The following LRRTM4 variants were observed in gnomAD, a reference collection of about 807,000 sequenced individuals.
LRRTM4 encodes leucine rich repeat transmembrane neuronal 4, also known as leucine-rich repeat transmembrane neuronal protein 4.
A neutral mutation model predicts 47.6 loss-of-function variants in LRRTM4; 25 were observed. That is an observed-to-expected ratio of 0.53 (90% CI 0.38 to 0.73). The LOEUF (loss-of-function observed/expected upper bound fraction) is 0.73. Ranked by LOEUF, LRRTM4 falls within the 30% of genes least tolerant of loss-of-function variation. LRRTM4 has a pLI of 0.00. For missense variants in LRRTM4, 638 were observed against 713.4 expected (o/e 0.89, Z 1.20); for synonymous variants, 311 against 269.5 (o/e 1.15, Z -1.51).
intron 3 of LRRTM4, among the ~76,000 whole-genome samples, chr2:76,979,920 T>G (rs1676547858): frequency 6.6e-6 from 1 of 151,984 alleles, no homozygotes. Flanking sequence ...ATAAACTCTC[T>G]GATCCAAATT....
intron 3 of LRRTM4, among the ~76,000 whole-genome samples, chr2:77,131,925 A>G (rs1176559873): frequency 6.6e-6 from 1 of 152,222 alleles, no homozygotes; most frequent in African/African-American, 2.4e-5. Flanking sequence ...ATATTTTGTT[A>G]CATGATTAGA....
intron 3 of LRRTM4, among the ~76,000 whole-genome samples, chr2:77,312,548 T>C (rs1677485835): frequency 6.6e-6 from 1 of 152,192 alleles, no homozygotes; most frequent in African/African-American, 2.4e-5. Context: ...ATTGTATTTA[T>C]TTCTCTTTGG....
chr2:77,064,388 C>G (rs1441567784), intron 3 of LRRTM4, among the ~76,000 whole-genome samples: 1 of 152,082 alleles, frequency 6.6e-6, no homozygotes, highest in African/African-American at 2.4e-5. Flanking sequence ...GCATGGAAAG[C>G]TACAGAGGAA....
At chr2:77,081,468 C>T (rs1680530838) in intron 3 of LRRTM4, among the ~76,000 whole-genome samples, 1 of 151,812 alleles carries the variant, frequency 6.6e-6, no homozygotes. Context: ...ATAAAAATCA[C>T]TGATATATAT....
intron 3 of LRRTM4, among the ~76,000 whole-genome samples, chr2:76,781,405 A>ACTCCGTGGGCGTAGGACC (rs1277361550): frequency 6.6e-6 from 1 of 151,304 alleles, no homozygotes; most frequent in Non-Finnish European, 1.5e-5. Flanking sequence ...AATCAGCGAG[A>ACTCCGTGGGCGTAGGACC]CTCCGTGGGC....
intron 3 of LRRTM4, among the ~76,000 whole-genome samples, chr2:77,044,208 T>C (rs565367123): frequency 1.3e-5 from 2 of 151,940 alleles, no homozygotes; most frequent in Non-Finnish European, 2.9e-5. Flanking sequence ...CTGTCCTTCA[T>C]ACCTGAGTAC....
intron 3 of LRRTM4, among the ~76,000 whole-genome samples, chr2:77,493,267 A>T (rs1286472010): frequency 6.6e-6 from 1 of 152,066 alleles, no homozygotes; most frequent in Non-Finnish European, 1.5e-5. Flanking sequence ...ATATTTAGGG[A>T]AGGATACAAA....
At chr2:77,227,170 GT>G (rs1316280078) in intron 3 of LRRTM4, among the ~76,000 whole-genome samples, 1 of 151,940 alleles carries the variant, frequency 6.6e-6, no homozygotes, top group Non-Finnish European at 1.5e-5. Context: ...AGTTTTATAA[GT>G]GTTAGCAGCA....
chr2:77,181,781 T>C (rs1673352987), intron 3 of LRRTM4, among the ~76,000 whole-genome samples: 1 of 151,886 alleles, frequency 6.6e-6, no homozygotes, highest in African/African-American at 2.4e-5. Context: ...GGAAAGGCAA[T>C]TTAACAAAAT....
At chr2:76,886,441 A>G (rs959223379) in intron 3 of LRRTM4, among the ~76,000 whole-genome samples, 1 of 152,276 alleles carries the variant, frequency 6.6e-6, no homozygotes, top group East Asian at 1.9e-4. Flanking sequence ...GAGAGTCAAG[A>G]GTAAGTGAAC....
intron 3 of LRRTM4, among the ~76,000 whole-genome samples, chr2:77,509,851 G>A (rs988443362): frequency 6.6e-6 from 1 of 152,146 alleles, no homozygotes; most frequent in Non-Finnish European, 1.5e-5. Flanking sequence ...AGTAAAGAGA[G>A]TCTGCTTCAA....
At chr2:77,132,838 T>C (rs1671839074) in intron 3 of LRRTM4, among the ~76,000 whole-genome samples, 1 of 151,962 alleles carries the variant, frequency 6.6e-6, no homozygotes, top group Non-Finnish European at 1.5e-5. Context: ...CTCAGAAGCA[T>C]AGTTTTAAGG....
At chr2:77,195,957 C>T (rs75503425) in intron 3 of LRRTM4, among the ~76,000 whole-genome samples, 324 of 152,102 alleles carry the variant, frequency 2.1e-3, no homozygotes, top group African/African-American at 7.6e-3. Context: ...GAGAAAGGTC[C>T]GTATGTGTAA....
In LRRTM4 at chr2:76,974,319, A is replaced by G. The variant is rs1428948278; in HGVS notation, c.1552-225403T>C. ...AGAGCATTATCAATGGTTTAACAGAATTTAAGCCTATTTTGGCTTTATCAC... is the reference window on the plus strand; with the variant it reads ...AGAGCATTATCAATGGTTTAACAGAGTTTAAGCCTATTTTGGCTTTATCAC... On this transcript the variant is annotated intron_variant, in intron 3 of 3. Coordinates refer to ENST00000409884, the MANE Select transcript of LRRTM4 (RefSeq NM_001134745.3). Among the ~76,000 whole-genome samples the G allele has an allele frequency of 2.0e-5, 3 of 148,912 alleles. No homozygotes were observed. In the East Asian group the frequency reaches 5.9e-4, roughly 29 times the overall value.
chr2:77,432,404 A>G (rs1675417396), intron 3 of LRRTM4, among the ~76,000 whole-genome samples: 1 of 152,254 alleles, frequency 6.6e-6, no homozygotes, highest in Non-Finnish European at 1.5e-5. Flanking sequence ...AGCAGTAGCT[A>G]TGATTATGTC....
intron 3 of LRRTM4, among the ~76,000 whole-genome samples, chr2:76,870,657 A>G (rs1051450547): frequency 6.6e-6 from 1 of 152,048 alleles, no homozygotes; most frequent in Non-Finnish European, 1.5e-5. Context: ...TCCCCTGCAC[A>G]TGTCAAGTTC....
intron 3 of LRRTM4, among the ~76,000 whole-genome samples, chr2:76,883,749 G>A (rs183249139): frequency 6.6e-6 from 1 of 152,292 alleles, no homozygotes; most frequent in Non-Finnish European, 1.5e-5. Context: ...AGCCATCTCA[G>A]CTTTCATGAT....
At chr2:77,025,771 C>G (rs75031124) in intron 3 of LRRTM4, among the ~76,000 whole-genome samples, 2,352 of 152,172 alleles carry the variant, frequency 0.015, 77 homozygotes, top group African/African-American at 0.053. Flanking sequence ...TCCACTCCAC[C>G]CTACTGACTA....
chr2:77,456,431 G>A (rs996498215), intron 3 of LRRTM4, among the ~76,000 whole-genome samples: 2 of 151,998 alleles, frequency 1.3e-5, no homozygotes, highest in African/African-American at 4.8e-5. Context: ...AACTGTCCAG[G>A]CTTACAACTA....
Sources: gnomAD v4.1 joint callset for allele counts (sites outside exome capture counted in the v4.1 genomes callset) on GRCh38, gnomAD v4.1.1 for gene constraint, MANE v1.5 for transcripts, NCBI Gene and HGNC (gene_info 2026-07-23, HGNC 2026-07-21) for gene names.